The following PIP4K2A variants were observed in gnomAD, a reference collection of about 807,000 sequenced individuals.
The protein encoded by PIP4K2A is phosphatidylinositol 5-phosphate 4-kinase type-2 alpha.
PIP4K2A carries 14 observed loss-of-function variants against 42.9 expected under a neutral mutation model. That is an observed-to-expected ratio of 0.33 (90% CI 0.22 to 0.51). PIP4K2A has a LOEUF of 0.51. Among genes scored for constraint, PIP4K2A ranks in the 20% least tolerant of loss-of-function variants. The pLI is 0.97. For synonymous variants in PIP4K2A, 192 were observed against 192.2 expected, an observed-to-expected ratio of 1.00 and a Z score of 0.01; for missense variants, 434 against 519.8, an observed-to-expected ratio of 0.83 and a Z score of 1.61.
chr10:22,698,072 G>A (rs1169433934), intron 1 of PIP4K2A, among the ~76,000 whole-genome samples: 2 of 152,146 alleles, frequency 1.3e-5, no homozygotes, highest in Non-Finnish European at 2.9e-5. Flanking sequence ...GTCCGACGAA[G>A]AAAAACTGGG....
intron 1 of PIP4K2A, among the ~76,000 whole-genome samples, chr10:22,692,155 C>G: frequency 6.6e-6 from 1 of 151,926 alleles, no homozygotes; most frequent in Non-Finnish European, 1.5e-5. Context: ...ATGGTCCCAT[C>G]TGGGGGTGAT....
intron 1 of PIP4K2A, among the ~76,000 whole-genome samples, chr10:22,635,608 T>C (rs1322170043): frequency 6.6e-6 from 1 of 152,042 alleles, no homozygotes; most frequent in Non-Finnish European, 1.5e-5. Context: ...ACCCAGAAAA[T>C]GGCTGAAGAA....
At chr10:22,589,276 A>G (rs753781131) in intron 4 of PIP4K2A, among the ~76,000 whole-genome samples, 10 of 152,232 alleles carry the variant, frequency 6.6e-5, no homozygotes, top group African/African-American at 9.6e-5. Context: ...AGGGGAAAAA[A>G]TGAAAAAGTA....
chr10:22,690,750 A>G (rs925233862), intron 1 of PIP4K2A, among the ~76,000 whole-genome samples: 2 of 152,240 alleles, frequency 1.3e-5, no homozygotes, highest in Non-Finnish European at 2.9e-5. Context: ...TGAGATAAGT[A>G]ATCATGCAAG....
intron 1 of PIP4K2A, among the ~76,000 whole-genome samples, chr10:22,653,013 G>A (rs944689160): frequency 1.3e-5 from 2 of 152,072 alleles, no homozygotes; most frequent in Non-Finnish European, 2.9e-5. Flanking sequence ...AGGATGGCTC[G>A]AGCCCGTAAG....
chr10:22,680,086 T>C (rs1839630574), intron 1 of PIP4K2A, among the ~76,000 whole-genome samples: 1 of 152,100 alleles, frequency 6.6e-6, no homozygotes, highest in South Asian at 2.1e-4. Context: ...AATAAAGCTG[T>C]CTTTAAAAAG....
chr10:22,645,170 G>T (rs11013077), intron 1 of PIP4K2A, among the ~76,000 whole-genome samples: 27,368 of 152,046 alleles, frequency 0.18, 3,132 homozygotes, highest in Non-Finnish European at 0.26. Context: ...TTTTGAAAAC[G>T]CAATTTTTTT....
intron 3 of PIP4K2A, among the ~76,000 whole-genome samples, chr10:22,595,719 C>T (rs7917460): frequency 0.26 from 39,737 of 151,734 alleles, 5,527 homozygotes; most frequent in African/African-American, 0.3. Context: ...ATCACACCAC[C>T]GCACTCCAAC....
chr10:22,636,697 C>T (rs1031089496), intron 1 of PIP4K2A, among the ~76,000 whole-genome samples: 5 of 152,216 alleles, frequency 3.3e-5, no homozygotes, highest in African/African-American at 1.2e-4. Context: ...TTTCAAAATA[C>T]AAGCCCAGCG....
intron 4 of PIP4K2A, among the ~76,000 whole-genome samples, chr10:22,583,874 T>C (rs951222629): frequency 1.3e-5 from 2 of 152,200 alleles, no homozygotes; most frequent in Non-Finnish European, 2.9e-5. Flanking sequence ...TCCTTCTAGG[T>C]CTGCCTTCCG....
chr10:22,676,194 T>A lies in PIP4K2A; in HGVS notation c.144+37989A>T, dbSNP rs1839554841. Among the ~76,000 whole-genome samples, 26 of 152,324 alleles carry A rather than the reference T, an allele frequency of 1.7e-4. 1 individual carries two copies. In the South Asian group the frequency reaches 5.4e-3, roughly 32 times the overall value. Reference sequence around the variant, plus strand: ...AACTGTGGTCCCAGTAACAGTGCTTTCATTTCCCAAGTTTCTTCTGCTCAA... The same window carrying A: ...AACTGTGGTCCCAGTAACAGTGCTTACATTTCCCAAGTTTCTTCTGCTCAA... On this transcript the variant is annotated intron_variant, in intron 1 of 9. Transcript: ENST00000376573.
At chr10:22,696,275 T>C (rs11013106) in intron 1 of PIP4K2A, among the ~76,000 whole-genome samples, 26,393 of 152,202 alleles carry the variant, frequency 0.17, 2,520 homozygotes, top group Middle Eastern at 0.26. Flanking sequence ...TTTGTTTTTG[T>C]AGGAAACACA....
At chr10:22,566,663 T>C (rs1836855137) in intron 6 of PIP4K2A, among the ~76,000 whole-genome samples, 1 of 151,940 alleles carries the variant, frequency 6.6e-6, no homozygotes, top group Non-Finnish European at 1.5e-5. Context: ...CTGCAGCAAA[T>C]GCACCAAATA....
intron 5 of PIP4K2A, among the ~76,000 whole-genome samples, chr10:22,569,408 G>GT (rs768708135): frequency 2.2e-4 from 34 of 152,326 alleles, no homozygotes; most frequent in Admixed American, 4.6e-4. Context: ...TACGACCACA[G>GT]TCCGAGCCCC....
chr10:22,675,364 G>A (rs544831597), intron 1 of PIP4K2A, among the ~76,000 whole-genome samples: 4 of 152,290 alleles, frequency 2.6e-5, no homozygotes, highest in African/African-American at 9.6e-5. Context: ...GAGGTGGGCA[G>A]ATCACGAAAT....
chr10:22,563,333 G>A (rs550720849), intron 6 of PIP4K2A, among the ~76,000 whole-genome samples: 6 of 152,294 alleles, frequency 3.9e-5, no homozygotes, highest in South Asian at 2.1e-4. Context: ...TGTAAGACAC[G>A]TGATAAAGAC....
At chr10:22,568,654 T>C (rs1005320591) in intron 5 of PIP4K2A, among the ~76,000 whole-genome samples, 5 of 152,190 alleles carry the variant, frequency 3.3e-5, no homozygotes, top group African/African-American at 1.2e-4. Flanking sequence ...TTGTCTAGCA[T>C]GACCTGAGTC....
chr10:22,597,689 A>C (rs1352859620), intron 3 of PIP4K2A, among the ~76,000 whole-genome samples: 1 of 150,298 alleles, frequency 6.7e-6, no homozygotes, highest in African/African-American at 2.5e-5. Flanking sequence ...AATTAAGATG[A>C]AATTTGCAAG....
chr10:22,582,776 T>C (rs1323742451), intron 4 of PIP4K2A, among the ~76,000 whole-genome samples: 1 of 151,308 alleles, frequency 6.6e-6, no homozygotes, highest in African/African-American at 2.4e-5. Context: ...TGGTGTACAA[T>C]GACCAAATAA....
Sources: gnomAD v4.1 joint callset for allele counts (sites outside exome capture counted in the v4.1 genomes callset) on GRCh38, gnomAD v4.1.1 for gene constraint, MANE v1.5 for transcripts, NCBI Gene and HGNC (gene_info 2026-07-23, HGNC 2026-07-21) for gene names.